Variants in KCNIP4 observed in about 807,000 individuals in gnomAD.
KCNIP4 encodes Kv channel-interacting protein 4.
In KCNIP4, 12 loss-of-function variants were observed where a neutral mutation model predicts 34.0. The observed-to-expected ratio is 0.35, with a 90% CI of 0.23 to 0.57. The LOEUF is 0.57. Ranked by LOEUF, KCNIP4 falls within the 20% of genes least tolerant of loss-of-function variation. The pLI is 0.83. For synonymous variants in KCNIP4, 124 were observed against 102.2 expected, an observed-to-expected ratio of 1.21 and a Z score of -1.29; for missense variants, 238 against 311.7, an observed-to-expected ratio of 0.76 and a Z score of 1.78.
intron 1 of KCNIP4, among the ~76,000 whole-genome samples, chr4:21,178,051 T>C (rs1232980329): frequency 6.6e-6 from 1 of 152,120 alleles, no homozygotes; most frequent in Non-Finnish European, 1.5e-5. Flanking sequence ...AACATCTTTT[T>C]ACTATTAAAG....
chr4:21,291,918 AGAAAGAAAGAAAGAAAG>A (rs1560260096), intron 1 of KCNIP4, among the ~76,000 whole-genome samples: 2 of 92,852 alleles, frequency 2.2e-5, no homozygotes, highest in African/African-American at 1.5e-4. Context: ...AAAGAAAGAA[AGAAAGAAAGAAAGAAAG>A]AAAAAAAAAG....
intron 1 of KCNIP4, among the ~76,000 whole-genome samples, chr4:20,910,539 A>C (rs192675270): frequency 6.0e-4 from 92 of 152,320 alleles, no homozygotes; most frequent in African/African-American, 2.1e-3. Flanking sequence ...TATGTTTCAA[A>C]GAAGAAATGA....
Position 21,597,129 on chromosome 4 carries a change from G to A in KCNIP4, c.61+351442C>T, listed in dbSNP as rs143273209. 8.6e-4 allele frequency among the ~76,000 whole-genome samples: 131 copies of A among 152,148 alleles called. 1 individual carries two copies. The highest frequency in any genetic ancestry group is 3.4e-3 in the Middle Eastern group (1 of 294). ...CACTCAAATCTCATCTTGAATTGTAGCTCCCATAATTCTCACATGTTGTGG... is the reference window on the plus strand; with the variant it reads ...CACTCAAATCTCATCTTGAATTGTAACTCCCATAATTCTCACATGTTGTGG... On this transcript the variant is annotated intron_variant, in intron 1 of 8. Transcript: ENST00000382152.
chr4:21,541,196 A>AAGAG (rs1370562357), intron 1 of KCNIP4, among the ~76,000 whole-genome samples: 1 of 146,750 alleles, frequency 6.8e-6, no homozygotes, highest in African/African-American at 2.7e-5. Context: ...AAAAAAAAAA[A>AAGAG]AGAGAGAGAG....
At chr4:21,126,628 A>G (rs1288383705) in intron 1 of KCNIP4, among the ~76,000 whole-genome samples, 1 of 140,828 alleles carries the variant, frequency 7.1e-6, no homozygotes, top group African/African-American at 2.6e-5. Flanking sequence ...AAAAAAAAAA[A>G]AAAAGAAAAG....
chr4:20,734,874 A>G (rs2149274850), intron 5 of KCNIP4, 139 bp from the exon 6 acceptor site: 2 of 479,830 alleles, frequency 4.2e-6, no homozygotes, highest in East Asian at 3.6e-5. Context: ...TTGGTTGTCT[A>G]GTTTTCAGAC....
intron 1 of KCNIP4, among the ~76,000 whole-genome samples, chr4:20,938,157 G>A (rs1010204174): frequency 6.6e-6 from 1 of 150,512 alleles, no homozygotes; most frequent in Non-Finnish European, 1.5e-5. Context: ...ATGTGCTTAC[G>A]TTGAATCTTC....
intron 2 of KCNIP4, among the ~76,000 whole-genome samples, chr4:20,877,596 T>C (rs1159185110): frequency 1.3e-5 from 2 of 152,190 alleles, no homozygotes; most frequent in Non-Finnish European, 2.9e-5. Flanking sequence ...TAGTAGGCTA[T>C]TATTATTACT....
intron 1 of KCNIP4, among the ~76,000 whole-genome samples, chr4:21,260,160 T>C (rs1002392299): frequency 1.2e-4 from 18 of 149,522 alleles, no homozygotes; most frequent in Non-Finnish European, 2.1e-4. Context: ...TTATGGTCTT[T>C]CTATTTAGGA....
intron 1 of KCNIP4, among the ~76,000 whole-genome samples, chr4:21,833,566 G>C (rs1199366108): frequency 4.6e-5 from 7 of 152,140 alleles, no homozygotes; most frequent in East Asian, 1.9e-4. Flanking sequence ...ATAGTAGTTT[G>C]TTTTGCTGTG....
At chr4:21,754,836 G>T (rs78206332) in intron 1 of KCNIP4, among the ~76,000 whole-genome samples, 3 of 152,142 alleles carry the variant, frequency 2.0e-5, no homozygotes, top group African/African-American at 7.2e-5. Context: ...TTTATCTTGT[G>T]CAGAGTTAAC....
intron 1 of KCNIP4, among the ~76,000 whole-genome samples, chr4:21,759,753 C>A (rs1717915346): frequency 6.6e-6 from 1 of 152,092 alleles, no homozygotes; most frequent in South Asian, 2.1e-4. Context: ...CCTGGAATGA[C>A]AACCTACGTT....
At chr4:21,268,268 C>A (rs1185910180) in intron 1 of KCNIP4, among the ~76,000 whole-genome samples, 3 of 152,056 alleles carry the variant, frequency 2.0e-5, no homozygotes. Flanking sequence ...TTTGAAATGA[C>A]TCTTTGCATA....
At chr4:21,649,261 A>T (rs1222388160) in intron 1 of KCNIP4, among the ~76,000 whole-genome samples, 1 of 152,224 alleles carries the variant, frequency 6.6e-6, no homozygotes, top group African/African-American at 2.4e-5. Flanking sequence ...TACAGTGCTA[A>T]TTTTTAACAA....
rs1285710640 is a variant in KCNIP4, at chr4:20,847,524, T to C, written c.288+3019A>G. 2.7e-5 allele frequency among the ~76,000 whole-genome samples: 4 copies of C among 150,506 alleles called. No homozygotes were observed. The South Asian group carries it at 8.6e-4, about 32-fold the overall frequency. ...CCTTATAGGTGGACAGTGTACTGTATTCTGTCTCTATCAGCTGCTCACTTT... is the reference window on the plus strand; with the variant it reads ...CCTTATAGGTGGACAGTGTACTGTACTCTGTCTCTATCAGCTGCTCACTTT... On this transcript the variant is annotated intron_variant, in intron 3 of 8. Transcript: ENST00000382152.
chr4:21,948,234 C>A (rs569443346), intron 1 of KCNIP4, among the ~76,000 whole-genome samples: 7 of 152,300 alleles, frequency 4.6e-5, no homozygotes, highest in African/African-American at 1.2e-4. Flanking sequence ...AGGAAGCGTG[C>A]GGTCTGGAGT....
At chr4:21,287,945 G>A (rs1230783618) in intron 1 of KCNIP4, among the ~76,000 whole-genome samples, 1 of 152,116 alleles carries the variant, frequency 6.6e-6, no homozygotes, top group African/African-American at 2.4e-5. Flanking sequence ...TTAATGATTT[G>A]CCTGATTCTT....
chr4:21,025,607 G>A (rs555952217), intron 1 of KCNIP4, among the ~76,000 whole-genome samples: 1 of 121,926 alleles, frequency 8.2e-6, no homozygotes, highest in South Asian at 2.8e-4. Context: ...AGGCTAGAGT[G>A]CAGTGGTGCG....
chr4:21,628,295 TTACCCAATACCCCATGCA>T (rs1337912347), intron 1 of KCNIP4, among the ~76,000 whole-genome samples: 23 of 152,184 alleles, frequency 1.5e-4, no homozygotes, highest in Admixed American at 1.5e-3. Flanking sequence ...TTCACTGTGA[TTACCCAATACCCCATGCA>T]TACCTCAATC....
Sources: allele counts gnomAD v4.1 joint callset (sites outside exome capture counted in the v4.1 genomes callset), GRCh38; gene constraint gnomAD v4.1.1; transcripts MANE v1.5; gene names NCBI Gene and HGNC (gene_info 2026-07-23, HGNC 2026-07-21).